HCK: variants seen among roughly 807,000 people sequenced by gnomAD.
The protein encoded by HCK is HCK proto-oncogene, Src family tyrosine kinase, also known as tyrosine-protein kinase HCK.
In HCK, 40 loss-of-function variants were observed where a neutral mutation model predicts 70.4. The observed-to-expected ratio is 0.57, with a 90% CI of 0.44 to 0.74. The LOEUF is 0.74. Among genes scored for constraint, HCK ranks in the 30% least tolerant of loss-of-function variants. The pLI, the probability that HCK is intolerant of heterozygous loss-of-function variation, is 0.00. For missense variants in HCK, 568 were observed against 697.2 expected (o/e 0.81, Z 2.09); for synonymous variants, 245 against 263.2 (o/e 0.93, Z 0.67).
At chr20:32,091,702 T>C (rs2045865625) in intron 10 of HCK, among the ~76,000 whole-genome samples, 1 of 151,870 alleles carries the variant, frequency 6.6e-6, no homozygotes, top group Non-Finnish European at 1.5e-5. Context: ...TCTCTGGGTC[T>C]CCCTTGGGCA....
intron 10 of HCK, among the ~76,000 whole-genome samples, chr20:32,093,482 C>T (rs7260985): frequency 0.017 from 2,208 of 126,642 alleles, 49 homozygotes; most frequent in African/African-American, 0.059. Context: ...TCATAGTATC[C>T]TAGGGTTCGT....
chr20:32,088,914 A>G (rs183255618), intron 10 of HCK, among the ~76,000 whole-genome samples: 1 of 152,236 alleles, frequency 6.6e-6, no homozygotes, highest in East Asian at 1.9e-4. Context: ...AACAACAGCA[A>G]TTGTTATTTC....
chr20:32,058,328 T>C (rs1265131440), intron 1 of HCK, among the ~76,000 whole-genome samples: 1 of 151,860 alleles, frequency 6.6e-6, no homozygotes, highest in Non-Finnish European at 1.5e-5. Flanking sequence ...GGTCAGGAGT[T>C]CAAGACCAGC....
chr20:32,088,877 C>CA (rs1341567669), intron 10 of HCK, among the ~76,000 whole-genome samples: 6 of 151,986 alleles, frequency 3.9e-5, no homozygotes, highest in Non-Finnish European at 1.5e-5. Context: ...TTTGGTATAA[C>CA]AAACCATCCA....
chr20:32,090,463 TTATTCAGTAG>T (rs376090706), intron 10 of HCK, among the ~76,000 whole-genome samples: 244 of 152,312 alleles, frequency 1.6e-3, no homozygotes, highest in African/African-American at 5.1e-3. Flanking sequence ...ACATGAAATG[TTATTCAGTAG>T]CTGCATATAT....
intron 1 of HCK, among the ~76,000 whole-genome samples, chr20:32,067,804 C>T (rs2045481363): frequency 1.3e-5 from 2 of 151,856 alleles, no homozygotes; most frequent in African/African-American, 2.4e-5. Flanking sequence ...GGAGTCATAG[C>T]TGAGATGTGC....
chr20:32,093,105 C>T (rs1346488320), intron 10 of HCK, among the ~76,000 whole-genome samples: 1 of 152,122 alleles, frequency 6.6e-6, no homozygotes, highest in Non-Finnish European at 1.5e-5. Context: ...CCACCATGCT[C>T]ATCTTCTTTT....
At chr20:32,074,776 T>C (rs1050447193) in intron 5 of HCK, 55 bp downstream of exon 5, 5 of 1,279,490 alleles carry the variant, frequency 3.9e-6, no homozygotes, top group Admixed American at 1.7e-5. Context: ...GCCAGCCTTG[T>C]TTGCAACTCA....
rs2001413 is a variant in HCK at position 32,061,199 on chromosome 20, G to A, written c.62+8713G>A. ...GGGTTTCACCATGTTGGCCAGGCTG[G>A]TCTTGAACTCCTGACCTTGTGATTC... On this transcript the variant is annotated intron_variant, in intron 1 of 12. Coordinates refer to ENST00000375852, the MANE Select transcript of HCK (RefSeq NM_002110.5). 4.5e-3 allele frequency among the ~76,000 whole-genome samples: 682 copies of A among 152,176 alleles called. 6 individuals are homozygous for A. The highest frequency in any genetic ancestry group is 0.016 in the African/African-American group (644 of 41,536).
chr20:32,078,172 C>G (rs1369860246), intron 5 of HCK, among the ~76,000 whole-genome samples: 3 of 151,288 alleles, frequency 2.0e-5, no homozygotes, highest in Non-Finnish European at 4.4e-5. Flanking sequence ...GTAGCTGGGA[C>G]TACAGGCTCC....
At chr20:32,075,309 T>A (rs1244508192) in intron 5 of HCK, among the ~76,000 whole-genome samples, 1 of 152,116 alleles carries the variant, frequency 6.6e-6, no homozygotes, top group Non-Finnish European at 1.5e-5. Flanking sequence ...TCCTCCCACC[T>A]CAGCCTCCCA....
At chr20:32,057,046 AG>A (rs777379623) in intron 1 of HCK, among the ~76,000 whole-genome samples, 2 of 152,286 alleles carry the variant, frequency 1.3e-5, no homozygotes, top group South Asian at 4.1e-4. Flanking sequence ...AACTCAGGAG[AG>A]CTCACATAAT....
intron 10 of HCK, 43 bp downstream of exon 10, chr20:32,088,687 G>T (rs531739593): frequency 1.3e-6 from 2 of 1,511,248 alleles, no homozygotes; most frequent in South Asian, 1.1e-5. Flanking sequence ...ACAGGAATTC[G>T]ATTTTTTTAC....
intron 5 of HCK, among the ~76,000 whole-genome samples, chr20:32,077,823 C>T (rs1029988583): frequency 6.6e-6 from 1 of 152,094 alleles, no homozygotes; most frequent in African/African-American, 2.4e-5. Flanking sequence ...TGCTCCCGGA[C>T]ACCTCCTTCC....
At chr20:32,056,935 G>A (rs1452470600) in intron 1 of HCK, among the ~76,000 whole-genome samples, 1 of 152,196 alleles carries the variant, frequency 6.6e-6, no homozygotes, top group Admixed American at 6.5e-5. Flanking sequence ...CGCAATGAAT[G>A]TTGGACAACC....
chr20:32,101,836 A>C lies in HCK; in HGVS notation c.*317A>C. 4.2e-6 allele frequency: 1 copy of C among 238,302 alleles called. No individual in the cohort carries two copies. Among genetic ancestry groups the C allele is most frequent in the Non-Finnish European group, 8.3e-6 (1 of 121,080 alleles). The allele number at this position is 238,302 out of a possible 1,614,324, so 14.8% of individuals were successfully genotyped here. A position where few individuals can be genotyped will look rare whatever the true frequency, so the allele number is the denominator to read the frequency against. ...ATGAATATTTAAATAAAAGATATAAATGCCAAAGTCTTTACCAAAACGTTG... is the reference window on the plus strand; with the variant it reads ...ATGAATATTTAAATAAAAGATATAACTGCCAAAGTCTTTACCAAAACGTTG... On this transcript the variant is annotated 3_prime_UTR_variant, in exon 13 of 13. Transcript: ENST00000375852.
At chr20:32,077,773 C>G (rs1447797845) in intron 5 of HCK, among the ~76,000 whole-genome samples, 1 of 152,202 alleles carries the variant, frequency 6.6e-6, no homozygotes, top group African/African-American at 2.4e-5. Flanking sequence ...ATCCTCCTGC[C>G]TTGGCCTCCC....
At chr20:32,079,479 A>C (rs1351184071) in intron 5 of HCK, among the ~76,000 whole-genome samples, 1 of 152,108 alleles carries the variant, frequency 6.6e-6, no homozygotes, top group Non-Finnish European at 1.5e-5. Context: ...AGCTTTTTGC[A>C]CTTGTTAATG....
In HCK at chr20:32,079,797, G is replaced by A. The variant is rs1218995301; in HGVS notation, c.452G>A (p.Arg151Gln). ...AGGTGGTTTTTCAAGGGCATCAGCC[G>A]GAAGGACGCAGAGCGCCAACTGCTG... Residue 151 changes from arginine to glutamine, a missense_variant, in exon 6 of 13, where the codon CGG becomes CAG. By Grantham distance (43) the Arg-to-Gln change is conservative. This residue lies in a region of HCK where 318 missense variants were observed against 336.0 expected (regional missense o/e 0.95). Transcript: ENST00000375852. The A allele has an allele frequency of 3.1e-6, 5 of 1,613,840 alleles. No individual in the cohort carries two copies. The highest frequency in any genetic ancestry group is 4.2e-6 in the Non-Finnish European group (5 of 1,179,864).
Sources: allele counts gnomAD v4.1 joint callset (sites outside exome capture counted in the v4.1 genomes callset), GRCh38; gene constraint gnomAD v4.1.1; regional missense constraint gnomAD v4.1.1; transcripts MANE v1.5; gene names NCBI Gene and HGNC (gene_info 2026-07-23, HGNC 2026-07-21).